Variants in KCNJ6 observed in about 807,000 individuals in gnomAD.
KCNJ6 encodes G protein-activated inward rectifier potassium channel 2.
A neutral mutation model predicts 34.2 loss-of-function variants in KCNJ6; 9 were observed. That is an observed-to-expected ratio of 0.26 (90% CI 0.16 to 0.46). KCNJ6 has a LOEUF of 0.46. Ranked by LOEUF, KCNJ6 falls within the 20% of genes least tolerant of loss-of-function variation. The pLI is 1.00. For synonymous variants in KCNJ6, 196 were observed against 207.1 expected (o/e 0.95, Z 0.46); for missense variants, 236 against 531.3 (o/e 0.44, Z 5.46).
At chr21:37,682,950 G>A (rs901600055) in intron 3 of KCNJ6, among the ~76,000 whole-genome samples, 3 of 152,182 alleles carry the variant, frequency 2.0e-5, no homozygotes, top group African/African-American at 7.2e-5. Context: ...AGGGAGCAGC[G>A]GGCTCAGCCC....
intron 2 of KCNJ6, among the ~76,000 whole-genome samples, chr21:37,836,634 C>T (rs960595724): frequency 3.3e-5 from 5 of 152,126 alleles, no homozygotes; most frequent in East Asian, 1.9e-4. Flanking sequence ...CAAACTAACA[C>T]GAGAACGGGA....
At chr21:37,698,698 ATTTT>A (rs112756247) in intron 3 of KCNJ6, among the ~76,000 whole-genome samples, 3 of 140,550 alleles carry the variant, frequency 2.1e-5, no homozygotes, top group South Asian at 4.7e-4. Flanking sequence ...TGCCCAGGTA[ATTTT>A]TTTTTTTTTT....
chr21:37,835,906 A>T (rs1365188480), intron 2 of KCNJ6, among the ~76,000 whole-genome samples: 1 of 152,172 alleles, frequency 6.6e-6, no homozygotes, highest in African/African-American at 2.4e-5. Flanking sequence ...GAAAATATCC[A>T]CTGTGAAGAT....
At chr21:37,860,024 G>A (rs923732682) in intron 1 of KCNJ6, among the ~76,000 whole-genome samples, 4 of 151,936 alleles carry the variant, frequency 2.6e-5, no homozygotes, top group African/African-American at 7.3e-5. Flanking sequence ...AAGACACCCC[G>A]TGCCCTGGAT....
At chr21:37,658,732 T>G (rs2123395861) in intron 3 of KCNJ6, among the ~76,000 whole-genome samples, 1 of 152,282 alleles carries the variant, frequency 6.6e-6, no homozygotes, top group African/African-American at 2.4e-5. Context: ...GGAAGGGACT[T>G]CAGAGGGCGT....
intron 2 of KCNJ6, among the ~76,000 whole-genome samples, chr21:37,728,127 A>G (rs1293608363): frequency 6.6e-6 from 1 of 152,258 alleles, no homozygotes; most frequent in Admixed American, 6.5e-5. Context: ...CAGCCTTGAA[A>G]AGGAAGAAAA....
intron 2 of KCNJ6, among the ~76,000 whole-genome samples, chr21:37,820,098 A>T (rs2055366961): frequency 6.6e-6 from 1 of 152,106 alleles, no homozygotes; most frequent in Non-Finnish European, 1.5e-5. Flanking sequence ...CACTCTTTTA[A>T]ATTGGAAAGG....
chr21:37,833,096 C>A (rs2055434719), intron 2 of KCNJ6, among the ~76,000 whole-genome samples: 1 of 152,092 alleles, frequency 6.6e-6, no homozygotes, highest in African/African-American at 2.4e-5. Context: ...CTAACTGCAA[C>A]CTCCACCTCC....
intron 2 of KCNJ6, among the ~76,000 whole-genome samples, chr21:37,785,979 G>C (rs1367446284): frequency 1.3e-5 from 2 of 152,214 alleles, no homozygotes; most frequent in Non-Finnish European, 2.9e-5. Flanking sequence ...CTTGATCTTG[G>C]ACTTCGGAGC....
In KCNJ6 at chr21:37,748,125, G is replaced by A. The variant is rs76425560; in HGVS notation, c.26-32994C>T. On this transcript the variant is annotated intron_variant, in intron 2 of 3. Coordinates refer to ENST00000609713, the MANE Select transcript of KCNJ6 (RefSeq NM_002240.5). ...TTTTATGGACAGTGTAAGTTTCTAG[G>A]GCCATTTATACAACCCCAGGTACGG... Among the ~76,000 whole-genome samples the A allele has an allele frequency of 4.2e-3, 646 of 152,222 alleles. 4 individuals carry two copies. The highest frequency in any genetic ancestry group is 0.014 in the African/African-American group (578 of 41,534).
intron 2 of KCNJ6, among the ~76,000 whole-genome samples, chr21:37,835,059 G>A (rs1419848742): frequency 2.6e-5 from 4 of 152,194 alleles, no homozygotes; most frequent in African/African-American, 9.7e-5. Flanking sequence ...GGACGCTCTG[G>A]CTGCCAAGGA....
At chr21:37,688,273 T>C (rs1256610530) in intron 3 of KCNJ6, among the ~76,000 whole-genome samples, 1 of 152,212 alleles carries the variant, frequency 6.6e-6, no homozygotes, top group Non-Finnish European at 1.5e-5. Flanking sequence ...AGTAAGCACT[T>C]TTTCTAACTT....
chr21:37,901,215 A>G (rs2055815321), intron 1 of KCNJ6, among the ~76,000 whole-genome samples: 1 of 152,264 alleles, frequency 6.6e-6, no homozygotes, highest in African/African-American at 2.4e-5. Context: ...TTTCTGAATT[A>G]GCAATAAACA....
chr21:37,704,615 A>G (rs2835902), intron 3 of KCNJ6, among the ~76,000 whole-genome samples: 13,328 of 152,108 alleles, frequency 0.088, 1,149 homozygotes, highest in African/African-American at 0.22. Context: ...TACTTAGCAG[A>G]TGAATAATTA....
intron 1 of KCNJ6, among the ~76,000 whole-genome samples, chr21:37,853,844 A>ATGTG (rs916266559): frequency 2.9e-4 from 32 of 109,320 alleles, no homozygotes; most frequent in Non-Finnish European, 5.0e-4. Context: ...ACATATATAT[A>ATGTG]TGTATATATA....
At chr21:37,643,510 G>A (rs753595069) in intron 3 of KCNJ6, among the ~76,000 whole-genome samples, 1 of 152,214 alleles carries the variant, frequency 6.6e-6, no homozygotes, top group African/African-American at 2.4e-5. Context: ...GCTGGGCCCT[G>A]AAGAATGGGC....
rs973903691 is a variant in KCNJ6, at chr21:37,621,690, C to T, written c.*3469G>A. On this transcript the variant is annotated 3_prime_UTR_variant, in exon 4 of 4. Coordinates refer to ENST00000609713, the MANE Select transcript of KCNJ6 (RefSeq NM_002240.5). Reference sequence around the variant, plus strand: ...CTGTTAGGGAACATAAGGTACTGAACTAAAACAATAGAATTGGAACTGGAG... The same window carrying T: ...CTGTTAGGGAACATAAGGTACTGAATTAAAACAATAGAATTGGAACTGGAG... 1.1e-4 allele frequency: 16 copies of T among 152,114 alleles called. No individual in the cohort carries two copies. Among genetic ancestry groups the T allele is most frequent in the African/African-American group, 2.4e-5 (1 of 41,398 alleles). The allele number at this position is 152,114 out of a possible 1,614,324, so 9.4% of individuals were successfully genotyped here.
intron 2 of KCNJ6, among the ~76,000 whole-genome samples, chr21:37,828,635 G>A (rs1445566592): frequency 6.6e-6 from 1 of 152,252 alleles, no homozygotes; most frequent in South Asian, 2.1e-4. Context: ...CGGTCCGGGA[G>A]AGGCCCATGG....
chr21:37,737,153 G>GT, intron 2 of KCNJ6, among the ~76,000 whole-genome samples: 1 of 152,154 alleles, frequency 6.6e-6, no homozygotes, highest in Non-Finnish European at 1.5e-5. Flanking sequence ...GGTCCTCACT[G>GT]TGCATCAGTG....
Sources: gnomAD v4.1 joint callset for allele counts (sites outside exome capture counted in the v4.1 genomes callset) on GRCh38, gnomAD v4.1.1 for gene constraint, MANE v1.5 for transcripts, NCBI Gene and HGNC (gene_info 2026-07-23, HGNC 2026-07-21) for gene names.